AUTS2: variants seen among roughly 807,000 people sequenced by gnomAD.
AUTS2 encodes the protein autism susceptibility gene 2 protein.
A neutral mutation model predicts 112.4 loss-of-function variants in AUTS2; 17 were observed. That is an observed-to-expected ratio of 0.15 (90% CI 0.10 to 0.23). The LOEUF is 0.23. Ranked by LOEUF, AUTS2 falls within the 10% of genes least tolerant of loss-of-function variation. The pLI is 1.00. For missense variants in AUTS2, 1,510 were observed against 1,701.6 expected, an observed-to-expected ratio of 0.89 and a Z score of 1.98; for synonymous variants, 751 against 702.7, an observed-to-expected ratio of 1.07 and a Z score of -1.09.
intron 5 of AUTS2, among the ~76,000 whole-genome samples, chr7:70,657,747 G>C (rs1024627354): frequency 1.3e-5 from 2 of 152,126 alleles, no homozygotes; most frequent in African/African-American, 2.4e-5. Flanking sequence ...TCATGGCATG[G>C]GATCCCAGTA....
intron 4 of AUTS2, among the ~76,000 whole-genome samples, chr7:70,335,901 G>A (rs1365219665): frequency 2.6e-5 from 4 of 152,138 alleles, no homozygotes; most frequent in African/African-American, 4.8e-5. Flanking sequence ...TATGGAAAAC[G>A]CTTCCACAGT....
At chr7:70,409,272 A>G (rs903671122) in intron 4 of AUTS2, among the ~76,000 whole-genome samples, 4 of 152,174 alleles carry the variant, frequency 2.6e-5, no homozygotes, top group South Asian at 2.1e-4. Context: ...ATGTAGGTAC[A>G]TGCATGTACA....
At chr7:69,980,927 C>T (rs1584522989) in intron 2 of AUTS2, among the ~76,000 whole-genome samples, 1 of 152,190 alleles carries the variant, frequency 6.6e-6, no homozygotes. Context: ...TCATTGACCA[C>T]AGTTGTCTAT....
intron 6 of AUTS2, among the ~76,000 whole-genome samples, chr7:70,739,045 A>T (rs2129553762): frequency 1.4e-5 from 1 of 70,348 alleles, no homozygotes; most frequent in African/African-American, 4.6e-5. Context: ...TTTGAGAGAG[A>T]GACAGGGTCT....
Position 70,153,445 on chromosome 7 carries a change from A to C in AUTS2, c.660+18874A>C, listed in dbSNP as rs970513901. ...GGCACAGAATTGGGAGGGAGGCATT[A>C]CCAAGGGGCAGGAGTAAACTTTTGT... is the stretch of plus-strand genomic sequence containing the variant. On this transcript the variant is annotated intron_variant, in intron 4 of 18. Transcript: ENST00000342771. Among the ~76,000 whole-genome samples, 11 of 152,312 alleles carry C rather than the reference A, an allele frequency of 7.2e-5. No individual in the cohort carries two copies. The South Asian group carries it at 1.9e-3, about 26-fold the overall frequency.
rs1336142924 is a variant in AUTS2 at position 70,052,498 on chromosome 7, A to G, written c.523-65634A>G. ...ATATATATTCACGGTTCCTGGATAC[A>G]GCTGTACAGGTTGTTCACTGCATGA... is the stretch of plus-strand genomic sequence containing the variant. On this transcript the variant is annotated intron_variant, in intron 2 of 18. Transcript: ENST00000342771. Among the ~76,000 whole-genome samples, 4 of 152,226 alleles carry G rather than the reference A, an allele frequency of 2.6e-5. No homozygotes were observed. In the East Asian group the frequency reaches 7.7e-4, roughly 29 times the overall value.
intron 4 of AUTS2, among the ~76,000 whole-genome samples, chr7:70,314,189 T>A (rs1789890922): frequency 6.6e-6 from 1 of 152,228 alleles, no homozygotes; most frequent in African/African-American, 2.4e-5. Flanking sequence ...CCCTGCCATC[T>A]CATTCTGACA....
intron 1 of AUTS2, among the ~76,000 whole-genome samples, chr7:69,785,041 A>C (rs1789305489): frequency 6.6e-6 from 1 of 152,132 alleles, no homozygotes; most frequent in South Asian, 2.1e-4. Flanking sequence ...AAAAAAAAAC[A>C]AGAAAGGGAA....
rs764995205 is a variant in AUTS2, at chr7:70,569,951, C to T, written c.691-128618C>T. The stretch of plus-strand genomic sequence containing the variant: ...ACTCAAGAAACTTGTTAAAACTCTT[C>T]GGCAGCTAACGAAGATGCCTCAGAT... On this transcript the variant is annotated intron_variant, in intron 5 of 18. Transcript: ENST00000342771. Among the ~76,000 whole-genome samples the T allele has an allele frequency of 9.2e-5, 14 of 152,084 alleles. No homozygotes were observed. In the South Asian group the frequency reaches 1.2e-3, roughly 14 times the overall value.
At position 70,341,898 on chromosome 7, in the gene AUTS2, TC is replaced by T. The variant is rs1422869440; in HGVS notation, c.661-93853del. Among the ~76,000 whole-genome samples, 7 of 152,350 alleles carry T rather than the reference TC, an allele frequency of 4.6e-5. No individual in the cohort carries two copies. The East Asian group carries it at 1.3e-3, about 29-fold the overall frequency. On this transcript the variant is annotated intron_variant, in intron 4 of 18. Coordinates refer to ENST00000342771, the MANE Select transcript of AUTS2 (RefSeq NM_015570.4). ...AGAAATATTCATTAATTGGCAGTTA[TC>T]ACTTCAACTATAGGTTCTGGTTTTC... is the stretch of plus-strand genomic sequence containing the variant.
chr7:70,502,238 C>T (rs1237168059), intron 5 of AUTS2, among the ~76,000 whole-genome samples: 1 of 152,180 alleles, frequency 6.6e-6, no homozygotes, highest in Non-Finnish European at 1.5e-5. Flanking sequence ...GCTTCAGGTC[C>T]ACCTCGTACC....
intron 4 of AUTS2, among the ~76,000 whole-genome samples, chr7:70,260,273 G>A (rs920982513): frequency 6.6e-6 from 1 of 152,072 alleles, no homozygotes; most frequent in Admixed American, 6.5e-5. Flanking sequence ...GGCTGAGACA[G>A]GAGAATTATG....
At chr7:70,370,084 G>A (rs914700758) in intron 4 of AUTS2, among the ~76,000 whole-genome samples, 4 of 152,146 alleles carry the variant, frequency 2.6e-5, no homozygotes, top group Non-Finnish European at 5.9e-5. Context: ...GCCCTAGTAG[G>A]ATGTTGGAGG....
At chr7:70,404,388 C>T (rs1157906610) in intron 4 of AUTS2, among the ~76,000 whole-genome samples, 1 of 152,170 alleles carries the variant, frequency 6.6e-6, no homozygotes, top group Non-Finnish European at 1.5e-5. Context: ...GATAAAAATG[C>T]TCACATTTTC....
chr7:70,390,563 T>G (rs1793805619), intron 4 of AUTS2, among the ~76,000 whole-genome samples: 1 of 152,000 alleles, frequency 6.6e-6, no homozygotes, highest in Admixed American at 6.6e-5. Context: ...CACTCAGCAC[T>G]CAGGGCTCTA....
At chr7:70,588,937 C>T (rs923717427) in intron 5 of AUTS2, among the ~76,000 whole-genome samples, 1 of 151,972 alleles carries the variant, frequency 6.6e-6, no homozygotes, top group African/African-American at 2.4e-5. Flanking sequence ...CTTTAGAAAC[C>T]CTTCCATTCT....
rs1792400164 is a variant in AUTS2 at position 69,850,169 on chromosome 7, T to A, written c.310-49117T>A. ...AATAAATTAGCCGGGCGTAGTGGCA[T>A]GCGCCTGTAGTCCCAGCTACTCGGG... On this transcript the variant is annotated intron_variant, in intron 1 of 18. Transcript: ENST00000342771. Among the ~76,000 whole-genome samples, 3 of 151,228 alleles carry A rather than the reference T, an allele frequency of 2.0e-5. No individual in the cohort carries two copies. In the South Asian group the frequency reaches 6.3e-4, roughly 32 times the overall value.
intron 12 of AUTS2, chr7:70,774,520 G>A (rs1790564251): frequency 5.8e-6 from 1 of 172,316 alleles, no homozygotes; most frequent in South Asian, 1.6e-4. Flanking sequence ...CCGCTTGCCT[G>A]GGGTCAGGAA....
At chr7:69,765,960 A>C (rs765191093) in intron 1 of AUTS2, among the ~76,000 whole-genome samples, 1 of 152,098 alleles carries the variant, frequency 6.6e-6, no homozygotes, top group Non-Finnish European at 1.5e-5. Flanking sequence ...AAAAGAATTA[A>C]AATTTGTGGT....
Sources: gnomAD v4.1 joint callset for allele counts (sites outside exome capture counted in the v4.1 genomes callset) on GRCh38, gnomAD v4.1.1 for gene constraint, MANE v1.5 for transcripts, NCBI Gene and HGNC (gene_info 2026-07-23, HGNC 2026-07-21) for gene names.